MOB1B: variants seen among roughly 807,000 people sequenced by gnomAD.
MOB1B encodes the protein MOB kinase activator 1B.
MOB1B carries 19 observed loss-of-function variants against 24.4 expected under a neutral mutation model. The ratio of observed to expected loss-of-function variants is 0.78; its 90% CI spans 0.54 to 1.14. The LOEUF (loss-of-function observed/expected upper bound fraction) is 1.14. MOB1B is among the 50% of genes most tolerant of loss of function. MOB1B has a pLI of 0.00. For synonymous variants in MOB1B, 76 were observed against 82.1 expected (o/e 0.93, Z 0.40); for missense variants, 243 against 259.6 (o/e 0.94, Z 0.44).
intron 1 of MOB1B, among the ~76,000 whole-genome samples, chr4:70,938,714 AAATC>A (rs1560644266): frequency 0.01 from 2 of 196 alleles, no homozygotes; most frequent in African/African-American, 0.048. Context: ...ACTAATTCCT[AAATC>A]CCTAAATCTT....
At chr4:70,948,663 G>C (rs1400456035) in intron 1 of MOB1B, among the ~76,000 whole-genome samples, 1 of 152,014 alleles carries the variant, frequency 6.6e-6, no homozygotes, top group Non-Finnish European at 1.5e-5. Context: ...TTCTTTCATG[G>C]TGTTGGTTTT....
At chr4:70,935,724 G>A (rs955570939) in intron 1 of MOB1B, among the ~76,000 whole-genome samples, 1 of 151,214 alleles carries the variant, frequency 6.6e-6, no homozygotes, top group Non-Finnish European at 1.5e-5. Context: ...GTGGCTCACT[G>A]CAATTTCTGC....
intron 1 of MOB1B, among the ~76,000 whole-genome samples, chr4:70,908,230 G>A (rs1280675415): frequency 1.3e-5 from 2 of 150,352 alleles, no homozygotes; most frequent in African/African-American, 2.4e-5. Context: ...GGGTTTCACC[G>A]TGTTAGTCAG....
chr4:70,968,121 G>T (rs1738609703), intron 2 of MOB1B, among the ~76,000 whole-genome samples: 1 of 152,136 alleles, frequency 6.6e-6, no homozygotes, highest in Non-Finnish European at 1.5e-5. Flanking sequence ...AAGTGCTGGG[G>T]TTACAGGCGT....
At chr4:70,972,194 TC>T (rs1738785420) in intron 3 of MOB1B, among the ~76,000 whole-genome samples, 1 of 152,100 alleles carries the variant, frequency 6.6e-6, no homozygotes, top group Admixed American at 6.6e-5. Context: ...AGAACTTTGT[TC>T]TCAGATACTG....
chr4:70,976,513 G>C, intron 4 of MOB1B: 1 of 984,984 alleles, frequency 1.0e-6, no homozygotes, highest in Non-Finnish European at 1.2e-6. Flanking sequence ...AGTAGAAATT[G>C]TTTACGTTTA....
At chr4:70,971,499 T>A (rs1169770291) in intron 3 of MOB1B, among the ~76,000 whole-genome samples, 4 of 145,836 alleles carry the variant, frequency 2.7e-5, no homozygotes, top group African/African-American at 7.8e-5. Context: ...AGTGAGACTC[T>A]GTCTCAAAAA....
chr4:70,968,812 G>A (rs1173965682), intron 2 of MOB1B, among the ~76,000 whole-genome samples: 3 of 151,918 alleles, frequency 2.0e-5, no homozygotes, highest in Non-Finnish European at 4.4e-5. Context: ...TTGCAGAGAT[G>A]GGGTCTTGCT....
At chr4:70,952,792 G>A (rs758586293) in intron 1 of MOB1B, among the ~76,000 whole-genome samples, 2 of 151,862 alleles carry the variant, frequency 1.3e-5, no homozygotes, top group African/African-American at 2.4e-5. Context: ...ATTTGTATTT[G>A]TATGTCTTAA....
chr4:70,904,418 G>C (rs1281490834), intron 1 of MOB1B, among the ~76,000 whole-genome samples: 1 of 152,114 alleles, frequency 6.6e-6, no homozygotes, highest in African/African-American at 2.4e-5. Context: ...TAGCACTGTA[G>C]ATGATATCCA....
At chr4:70,981,937 A>G (rs779224815) in intron 5 of MOB1B, 43 bp from the exon 6 acceptor site, 9 of 1,241,076 alleles carry the variant, frequency 7.3e-6, no homozygotes, top group Non-Finnish European at 9.4e-6. Flanking sequence ...GATGCAAATA[A>G]TGTTTTTGCT....
rs1560666024 is a variant in MOB1B at position 70,975,154 on chromosome 4, T to C, written c.277T>C (p.Tyr93His). The stretch of plus-strand genomic sequence containing the variant: ...GTGCTTTTTATCTCTCCAATGCAGA[T>C]ATGAGTATCATTGGGCAGATGGAAC... ...SCPVMSAGPK[Y>H]EYHWADGTNI... The change falls in exon 4 of 6, where the codon TAT (tyrosine) becomes CAT (histidine). Residue 93 changes from tyrosine (Y) to histidine (H), a missense_variant and splice_region_variant. By Grantham distance (83) the Tyr-to-His change is moderately conservative. Transcript: ENST00000309395. The C allele has an allele frequency of 6.2e-7, 1 of 1,602,372 alleles. No homozygotes were observed.
intron 3 of MOB1B, among the ~76,000 whole-genome samples, chr4:70,971,187 T>G (rs1738738467): frequency 6.6e-6 from 1 of 152,144 alleles, no homozygotes; most frequent in African/African-American, 2.4e-5. Flanking sequence ...AAAAGTCTAG[T>G]CAAGATAGTC....
rs1438012424 is a variant in MOB1B, at chr4:70,953,271, G to A, written c.15-5603G>A. The stretch of plus-strand genomic sequence containing the variant: ...TGGTCTTTTGACCTGCGAATGAGGA[G>A]CATTATTGACCACCACCATTCCCCG... On this transcript the variant is annotated intron_variant, in intron 1 of 5. Transcript: ENST00000309395. Among the ~76,000 whole-genome samples the A allele has an allele frequency of 2.6e-5, 4 of 152,102 alleles. No individual in the cohort carries two copies. In the East Asian group the frequency reaches 5.8e-4, roughly 22 times the overall value.
Position 70,981,877 on chromosome 4 carries a change from T to C in MOB1B, c.574-103T>C, listed in dbSNP as rs1739223554. ...AAAAAAATAATCTACTTTTATGTACTTCAAAAGCTAATTTCCAACAAATGT... is the reference window on the plus strand; with the variant it reads ...AAAAAAATAATCTACTTTTATGTACCTCAAAAGCTAATTTCCAACAAATGT... On this transcript the variant is annotated intron_variant, in intron 5 of 5. Transcript: ENST00000309395. 5.1e-6 allele frequency: 4 copies of C among 785,512 alleles called. No individual in the cohort carries two copies. The East Asian group carries it at 7.7e-5, about 15-fold the overall frequency. 48.7% of individuals were successfully genotyped at this position (785,512 alleles called of 1,614,324 possible). A position where few individuals can be genotyped will look rare whatever the true frequency, so the allele number is the denominator to read the frequency against.
intron 1 of MOB1B, among the ~76,000 whole-genome samples, chr4:70,909,255 C>T (rs552463185): frequency 1.9e-4 from 29 of 152,148 alleles, no homozygotes; most frequent in Non-Finnish European, 3.7e-4. Flanking sequence ...TCCCCCCAAG[C>T]CCCCAAAGCC....
At chr4:70,940,007 G>A (rs1004884279) in intron 1 of MOB1B, among the ~76,000 whole-genome samples, 4 of 152,188 alleles carry the variant, frequency 2.6e-5, no homozygotes, top group South Asian at 2.1e-4. Context: ...GCATCTTTCC[G>A]TTGGTTTATG....
Position 70,929,843 on chromosome 4 carries a change from C to T in MOB1B, c.14+27293C>T, listed in dbSNP as rs535119803. On this transcript the variant is annotated intron_variant, in intron 1 of 5. Coordinates refer to ENST00000309395, the MANE Select transcript of MOB1B (RefSeq NM_173468.4). ...TGTATTTTTAGTAGAGACGGGGTTT[C>T]GCCGTGGTCTCGATCTCCTGACCTT... Among the ~76,000 whole-genome samples the T allele has an allele frequency of 6.0e-4, 91 of 152,132 alleles. 3 individuals are homozygous for T. The highest frequency in any genetic ancestry group is 6.2e-4 in the South Asian group (3 of 4,824).
chr4:70,922,059 C>T lies in MOB1B; in HGVS notation c.14+19509C>T, dbSNP rs1010420938. On this transcript the variant is annotated intron_variant, in intron 1 of 5. Transcript: ENST00000309395. ...AATTAGACAAAATTATTCTTTCTTC[C>T]ACTAATAACATAATCCTTTCTGGCA... Among the ~76,000 whole-genome samples the T allele has an allele frequency of 2.0e-5, 3 of 152,100 alleles. 1 individual carries two copies. The highest frequency in any genetic ancestry group is 2.0e-4 in the Admixed American group (3 of 15,268).
Sources: gnomAD v4.1 joint callset for allele counts (sites outside exome capture counted in the v4.1 genomes callset) on GRCh38, gnomAD v4.1.1 for gene constraint, MANE v1.5 for transcripts, NCBI Gene and HGNC (gene_info 2026-07-23, HGNC 2026-07-21) for gene names.